INPP4B: variants seen among roughly 807,000 people sequenced by gnomAD.
INPP4B encodes the protein inositol polyphosphate-4-phosphatase type II B, also known as inositol polyphosphate 4-phosphatase type II.
A neutral mutation model predicts 122.5 loss-of-function variants in INPP4B; 55 were observed. The observed-to-expected ratio is 0.45, with a 90% confidence interval of 0.36 to 0.56. The LOEUF (loss-of-function observed/expected upper bound fraction) is 0.56. Ranked by LOEUF, INPP4B falls within the 20% of genes least tolerant of loss-of-function variation. The pLI, the probability that INPP4B is intolerant of heterozygous loss-of-function variation, is 0.00. For missense variants in INPP4B, 1,000 were observed against 1,097.7 expected, an observed-to-expected ratio of 0.91 and a Z score of 1.26; for synonymous variants, 403 against 388.7, an observed-to-expected ratio of 1.04 and a Z score of -0.43.
At chr4:142,705,476 C>T (rs4690789) in intron 2 of INPP4B, among the ~76,000 whole-genome samples, 75,164 of 145,754 alleles carry the variant, frequency 0.52, 22,139 homozygotes, top group East Asian at 0.76. Context: ...CACACACACA[C>T]ACACACACAC....
intron 2 of INPP4B, among the ~76,000 whole-genome samples, chr4:142,532,232 T>C (rs1320535584): frequency 6.6e-6 from 1 of 152,188 alleles, no homozygotes; most frequent in Non-Finnish European, 1.5e-5. Flanking sequence ...ATGCCTGCAG[T>C]TGGCCTCTCC....
intron 1 of INPP4B, among the ~76,000 whole-genome samples, chr4:142,797,938 TAAC>T (rs963667835): frequency 1.3e-5 from 2 of 151,372 alleles, no homozygotes; most frequent in Non-Finnish European, 3.0e-5. Flanking sequence ...ACACAAGAAA[TAAC>T]AACAACAACA....
chr4:142,777,301 GAGAT>G (rs1236584729), intron 1 of INPP4B, among the ~76,000 whole-genome samples: 1 of 152,178 alleles, frequency 6.6e-6, no homozygotes, highest in African/African-American at 2.4e-5. Context: ...AGACTGGAGA[GAGAT>G]AGAGAGAGAA....
intron 25 of INPP4B, among the ~76,000 whole-genome samples, chr4:142,067,664 A>C (rs1243578343): frequency 1.3e-5 from 2 of 152,238 alleles, no homozygotes; most frequent in Non-Finnish European, 2.9e-5. Flanking sequence ...AAACCATGGC[A>C]CGAGAAGTAC....
rs181657247 is a variant in INPP4B, at chr4:142,468,570, G to A, written c.-190-5844C>T. 4.3e-4 allele frequency among the ~76,000 whole-genome samples: 66 copies of A among 152,182 alleles called. 1 individual carries two copies. The highest frequency in any genetic ancestry group is 1.4e-3 in the African/African-American group (59 of 41,546). ...CATGAAAAGATTAATGCCCCTCTCCGGGGAGAGTAAGTGAGTCCTCACTTT... is the reference window on the plus strand; with the variant it reads ...CATGAAAAGATTAATGCCCCTCTCCAGGGAGAGTAAGTGAGTCCTCACTTT... On this transcript the variant is annotated intron_variant, in intron 2 of 25. Coordinates refer to ENST00000262992, the MANE Select transcript of INPP4B (RefSeq NM_001101669.3).
chr4:142,832,759 C>CG (rs11447128), intron 1 of INPP4B, among the ~76,000 whole-genome samples: 5,622 of 139,908 alleles, frequency 0.04, 396 homozygotes, highest in African/African-American at 0.17. Flanking sequence ...AGTCTCTACT[C>CG]CCCCCCCGCA....
intron 11 of INPP4B, among the ~76,000 whole-genome samples, chr4:142,253,238 T>C (rs1177446310): frequency 1.3e-5 from 2 of 152,174 alleles, no homozygotes; most frequent in East Asian, 3.9e-4. Flanking sequence ...GGTGGGTGAA[T>C]GTGAAGTCCT....
At chr4:142,838,350 A>G (rs1783077372) in intron 1 of INPP4B, among the ~76,000 whole-genome samples, 1 of 151,882 alleles carries the variant, frequency 6.6e-6, no homozygotes, top group Non-Finnish European at 1.5e-5. Context: ...TATAATCAGA[A>G]AAATAGAGAG....
chr4:142,243,390 T>C (rs111538958), intron 11 of INPP4B, among the ~76,000 whole-genome samples: 2 of 152,328 alleles, frequency 1.3e-5, no homozygotes, highest in African/African-American at 4.8e-5. Flanking sequence ...TTAAATCCTG[T>C]ATTAGCACAC....
intron 11 of INPP4B, among the ~76,000 whole-genome samples, chr4:142,246,645 T>C (rs929287908): frequency 6.6e-6 from 1 of 152,336 alleles, no homozygotes; most frequent in East Asian, 1.9e-4. Flanking sequence ...AACATTGATT[T>C]TGTATTCTGA....
intron 20 of INPP4B, among the ~76,000 whole-genome samples, chr4:142,122,652 G>C (rs1173848271): frequency 6.6e-6 from 1 of 152,058 alleles, no homozygotes; most frequent in East Asian, 1.9e-4. Context: ...AATGAAGCCT[G>C]ACAGGGAGAT....
intron 2 of INPP4B, among the ~76,000 whole-genome samples, chr4:142,655,924 A>G (rs2150563512): frequency 6.6e-6 from 1 of 152,368 alleles, no homozygotes; most frequent in South Asian, 2.1e-4. Flanking sequence ...TGACAGTGAC[A>G]TAATGACATT....
At chr4:142,593,830 A>C (rs962484224) in intron 2 of INPP4B, among the ~76,000 whole-genome samples, 3 of 152,068 alleles carry the variant, frequency 2.0e-5, no homozygotes, top group African/African-American at 7.2e-5. Context: ...TTCCTACTCC[A>C]TAGTTATTTA....
chr4:142,440,837 T>A (rs558410925), intron 3 of INPP4B, among the ~76,000 whole-genome samples: 1 of 152,364 alleles, frequency 6.6e-6, no homozygotes, highest in East Asian at 1.9e-4. Flanking sequence ...AACATATTCA[T>A]CATCTTATTC....
chr4:142,037,639 G>C (rs937360401), intron 25 of INPP4B, among the ~76,000 whole-genome samples: 3 of 152,132 alleles, frequency 2.0e-5, no homozygotes, highest in African/African-American at 7.2e-5. Context: ...TTGAAGCTAT[G>C]GGTATACCAT....
At chr4:142,159,526 C>T (rs1818980440) in intron 17 of INPP4B, among the ~76,000 whole-genome samples, 1 of 151,174 alleles carries the variant, frequency 6.6e-6, no homozygotes. Flanking sequence ...TTCTTAAATT[C>T]TAGGGTGGCA....
chr4:142,250,388 C>G (rs1444118626), intron 11 of INPP4B, among the ~76,000 whole-genome samples: 1 of 152,168 alleles, frequency 6.6e-6, no homozygotes, highest in African/African-American at 2.4e-5. Flanking sequence ...TCAGTAAGTA[C>G]TTCATAACTC....
chr4:142,383,820 G>A (rs572667397), intron 7 of INPP4B: 1 of 430,800 alleles, frequency 2.3e-6, no homozygotes, highest in African/African-American at 2.0e-5. Context: ...GGGGGATATA[G>A]AGGACCTTGA....
intron 1 of INPP4B, chr4:142,767,738 A>G (rs568808293): frequency 6.6e-6 from 1 of 152,288 alleles, no homozygotes; most frequent in African/African-American, 2.4e-5. Flanking sequence ...TCTATAAGCA[A>G]TGGAAGTTTG....
Sources: allele counts gnomAD v4.1 joint callset (sites outside exome capture counted in the v4.1 genomes callset), GRCh38; gene constraint gnomAD v4.1.1; transcripts MANE v1.5; gene names NCBI Gene and HGNC (gene_info 2026-07-23, HGNC 2026-07-21).